Variants in WRN observed in about 807,000 individuals in gnomAD.
WRN encodes the protein bifunctional 3'-5' exonuclease/ATP-dependent helicase WRN.
In WRN, 149 loss-of-function variants were observed where a neutral mutation model predicts 180.7. The ratio of observed to expected loss-of-function variants is 0.82; its 90% confidence interval spans 0.72 to 0.94. The LOEUF (loss-of-function observed/expected upper bound fraction) is 0.94. Ranked by LOEUF, WRN falls within the 40% of genes least tolerant of loss-of-function variation. The pLI is 0.00. For synonymous variants in WRN, 548 were observed against 568.9 expected (o/e 0.96, Z 0.52); for missense variants, 1,661 against 1,700.1 (o/e 0.98, Z 0.40).
At chr8:31,162,867 G>A (rs577114402) in intron 33 of WRN, among the ~76,000 whole-genome samples, 113 of 151,852 alleles carry the variant, frequency 7.4e-4, no homozygotes, top group African/African-American at 2.6e-3. Context: ...ATAGCAAATG[G>A]TGGTGGCAAA....
chr8:31,066,627 A>G (rs963376763), intron 5 of WRN, among the ~76,000 whole-genome samples: 2 of 151,922 alleles, frequency 1.3e-5, no homozygotes, highest in African/African-American at 4.8e-5. Context: ...GGAGAGCATA[A>G]TGGAGCTCTT....
At chr8:31,163,128 A>G (rs1803702496) in intron 33 of WRN, among the ~76,000 whole-genome samples, 1 of 152,262 alleles carries the variant, frequency 6.6e-6, no homozygotes, top group African/African-American at 2.4e-5. Flanking sequence ...ATGCGTGCTC[A>G]TTCACACTAA....
rs772797243 is a variant in WRN, at chr8:31,065,056, A to G, written c.497A>G (p.Asn166Ser). 6.2e-6 allele frequency: 10 copies of G among 1,613,062 alleles called. No homozygotes were observed. The East Asian group carries it at 6.7e-5, about 11-fold the overall frequency. ...TTTGTGGAGTTGACAGATGTTGCCAATAAAAAGGTAAAAGCAATATATATA... is the reference window on the plus strand; with the variant it reads ...TTTGTGGAGTTGACAGATGTTGCCAGTAAAAAGGTAAAAGCAATATATATA... ...KNFVELTDVA[N>S]KKLKCTETWS... The change falls in exon 5 of 35, where the codon AAT becomes AGT. Residue 166 changes from asparagine to serine, a missense_variant. Coordinates refer to ENST00000298139, the MANE Select transcript of WRN (RefSeq NM_000553.6).
intron 18 of WRN, among the ~76,000 whole-genome samples, chr8:31,108,820 A>G (rs1202529977): frequency 1.3e-5 from 2 of 152,122 alleles, no homozygotes; most frequent in Admixed American, 6.6e-5. Flanking sequence ...AGGAGAAGGG[A>G]GAGGAAGGCA....
At chr8:31,110,216 C>T (rs555173225) in intron 18 of WRN, among the ~76,000 whole-genome samples, 1 of 152,128 alleles carries the variant, frequency 6.6e-6, no homozygotes, top group Admixed American at 6.5e-5. Context: ...ACAGATGCAC[C>T]CATGTTAGGG....
chr8:31,145,581 C>A (rs11574352), intron 28 of WRN, among the ~76,000 whole-genome samples: 2 of 152,102 alleles, frequency 1.3e-5, no homozygotes, highest in African/African-American at 4.8e-5. Flanking sequence ...CATGCCTGCT[C>A]GCTTAACATC....
intron 20 of WRN, among the ~76,000 whole-genome samples, chr8:31,117,245 C>T (rs540687676): frequency 1.3e-5 from 2 of 152,298 alleles, no homozygotes; most frequent in African/African-American, 4.8e-5. Flanking sequence ...GTACAAGAGT[C>T]TCGTCTCTAG....
intron 32 of WRN, among the ~76,000 whole-genome samples, chr8:31,157,102 G>A (rs572603035): frequency 1.3e-5 from 2 of 152,316 alleles, no homozygotes; most frequent in East Asian, 3.9e-4. Context: ...AGTGAATAGA[G>A]AGGGGCGAGG....
At chr8:31,085,621 C>T (rs1213329550) in intron 11 of WRN, among the ~76,000 whole-genome samples, 1 of 152,056 alleles carries the variant, frequency 6.6e-6, no homozygotes, top group African/African-American at 2.4e-5. Flanking sequence ...AGGCGTGTGC[C>T]ACCATACCCG....
chr8:31,075,881 A>G lies in WRN; in HGVS notation c.725-292A>G, dbSNP rs11574215. Among the ~76,000 whole-genome samples the G allele has an allele frequency of 1.0e-3, 159 of 152,312 alleles. No individual in the cohort carries two copies. In the East Asian group the frequency reaches 0.021, roughly 20 times the overall value. ...CTTCTGATTTTGCAATAGTACAGAC[A>G]GGTTCAGATTCTCATTTCCACCTTC... On this transcript the variant is annotated intron_variant, in intron 7 of 34. Transcript: ENST00000298139.
At chr8:31,111,860 TATG>T in intron 19 of WRN, 61 bp downstream of exon 19, 2 of 1,544,442 alleles carry the variant, frequency 1.3e-6, no homozygotes, top group Non-Finnish European at 8.9e-7. Flanking sequence ...TTTAACAACT[TATG>T]TATTTTATGT....
chr8:31,101,008 A>G lies in WRN; in HGVS notation c.2088+53A>G, dbSNP rs1443923925. ...AAATTACATTCTTAATAAGGAGAGC[A>G]TTCAGGATTGGGGAGTGGTAAAGAA... On this transcript the variant is annotated intron_variant, in intron 18 of 34. Transcript: ENST00000298139. The G allele has an allele frequency of 4.8e-6, 7 of 1,473,168 alleles. No individual in the cohort carries two copies. The African/African-American group carries it at 6.9e-5, about 15-fold the overall frequency. The allele number at this position is 1,473,168 out of a possible 1,614,324, so 91.3% of individuals were successfully genotyped here.
At chr8:31,062,733 T>A (rs938180816) in intron 3 of WRN, among the ~76,000 whole-genome samples, 2 of 152,164 alleles carry the variant, frequency 1.3e-5, no homozygotes, top group African/African-American at 4.8e-5. Flanking sequence ...AGTTCTTTAT[T>A]AAGAAATGAA....
intron 1 of WRN, among the ~76,000 whole-genome samples, chr8:31,035,856 A>G (rs1346737256): frequency 6.6e-6 from 1 of 152,120 alleles, no homozygotes; most frequent in Non-Finnish European, 1.5e-5. Flanking sequence ...GGACTTTTTC[A>G]TTACCCAAAA....
chr8:31,131,184 C>CTTTTTTTTTTT (rs1563370058), intron 23 of WRN, among the ~76,000 whole-genome samples: 1 of 18,520 alleles, frequency 5.4e-5, no homozygotes, highest in Non-Finnish European at 1.2e-4. Context: ...CAGAGTTTTG[C>CTTTTTTTTTTT]TCTTGTCACC....
chr8:31,050,698 T>C (rs1020987769), intron 1 of WRN, among the ~76,000 whole-genome samples: 1 of 152,158 alleles, frequency 6.6e-6, no homozygotes, highest in Non-Finnish European at 1.5e-5. Flanking sequence ...GTGATGTAGA[T>C]ACAGCTTTCT....
chr8:31,151,357 TC>T (rs1480944867), intron 31 of WRN, among the ~76,000 whole-genome samples: 9 of 152,198 alleles, frequency 5.9e-5, no homozygotes, highest in Non-Finnish European at 1.0e-4. Context: ...CACAGTTGGA[TC>T]CTACTTTAGA....
In WRN at chr8:31,067,056, C is replaced by A. The variant is rs1554519273; in HGVS notation, c.528C>A (p.Ser176Arg). ...AGCTGAAATGCACAGAGACCTGGAGCCTTAACAGTCTGGTTAAACACCTCT... is the reference window on the plus strand; with the variant it reads ...AGCTGAAATGCACAGAGACCTGGAGACTTAACAGTCTGGTTAAACACCTCT... ...NKKLKCTETWSLNSLVKHLLG... is the reference protein window; with the variant it reads ...NKKLKCTETWRLNSLVKHLLG... The change falls in exon 6 of 35, where the codon AGC becomes AGA. Residue 176 changes from serine (S) to arginine (R), a missense_variant. Ser to Arg is a moderately radical substitution (Grantham distance 110). Transcript: ENST00000298139. 6 of 1,613,830 alleles carry A rather than the reference C, an allele frequency of 3.7e-6. No individual in the cohort carries two copies. The highest frequency in any genetic ancestry group is 5.1e-6 in the Non-Finnish European group (6 of 1,179,926).
chr8:31,047,611 G>A (rs759105791), intron 1 of WRN, among the ~76,000 whole-genome samples: 14 of 152,126 alleles, frequency 9.2e-5, no homozygotes, highest in South Asian at 2.1e-4. Context: ...GGGTGGAACG[G>A]ATGCTAGCAA....
Sources: allele counts gnomAD v4.1 joint callset (sites outside exome capture counted in the v4.1 genomes callset), GRCh38; gene constraint gnomAD v4.1.1; transcripts MANE v1.5; gene names NCBI Gene and HGNC (gene_info 2026-07-23, HGNC 2026-07-21).